DPP10: variants seen among roughly 807,000 people sequenced by gnomAD.
DPP10 encodes dipeptidyl peptidase like 10.
A neutral mutation model predicts 120.9 loss-of-function variants in DPP10; 33 were observed. The observed-to-expected ratio is 0.27, with a 90% CI of 0.21 to 0.37. The LOEUF (loss-of-function observed/expected upper bound fraction) is 0.37. Among genes scored for constraint, DPP10 ranks in the 10% least tolerant of loss-of-function variants. The pLI is 1.00. For synonymous variants in DPP10, 337 were observed against 326.1 expected (o/e 1.03, Z -0.36); for missense variants, 816 against 942.8 (o/e 0.87, Z 1.76).
At chr2:115,726,186 T>C (rs1384904013) in intron 7 of DPP10, among the ~76,000 whole-genome samples, 1 of 152,174 alleles carries the variant, frequency 6.6e-6, no homozygotes, top group Admixed American at 6.6e-5. Context: ...ACTGTTCTGC[T>C]CCTACTCCTA....
intron 19 of DPP10, among the ~76,000 whole-genome samples, chr2:115,812,460 GAAAC>G (rs748768597): frequency 4.1e-4 from 62 of 152,122 alleles, no homozygotes; most frequent in Middle Eastern, 3.4e-3. Context: ...CTGGGCAACT[GAAAC>G]AAACAAACAA....
At chr2:115,391,013 A>G (rs2067282043) in intron 3 of DPP10, among the ~76,000 whole-genome samples, 1 of 152,152 alleles carries the variant, frequency 6.6e-6, no homozygotes, top group Non-Finnish European at 1.5e-5. Flanking sequence ...GGAGACTATT[A>G]GATAAAAATC....
intron 1 of DPP10, chr2:115,233,922 C>T (rs372380508): frequency 1.2e-5 from 6 of 517,834 alleles, no homozygotes; most frequent in Non-Finnish European, 2.3e-5. Context: ...CCAGTAGTAT[C>T]AGGTGGATTT....
chr2:115,134,829 A>G (rs111994463), intron 1 of DPP10, among the ~76,000 whole-genome samples: 2 of 152,162 alleles, frequency 1.3e-5, no homozygotes, highest in African/African-American at 4.8e-5. Context: ...GAAAATTTTA[A>G]GCTCATGAAA....
At position 115,736,965 on chromosome 2, in the gene DPP10, A is replaced by G. The variant is rs1175450769; in HGVS notation, c.698-2774A>G. Among the ~76,000 whole-genome samples the G allele has an allele frequency of 3.9e-5, 6 of 152,124 alleles. No individual in the cohort carries two copies. In the South Asian group the frequency reaches 6.2e-4, roughly 16 times the overall value. ...ACTGCACTTGAGTCAGGATGTTTCC[A>G]TGCCTGAAACTAAGTCTCCTACCAC... On this transcript the variant is annotated intron_variant, in intron 8 of 25. Coordinates refer to ENST00000410059, the MANE Select transcript of DPP10 (RefSeq NM_020868.6).
At chr2:114,554,728 A>G (rs1688153401) in intron 1 of DPP10, among the ~76,000 whole-genome samples, 1 of 152,212 alleles carries the variant, frequency 6.6e-6, no homozygotes, top group Non-Finnish European at 1.5e-5. Flanking sequence ...TCCGGGCTTT[A>G]ACATCTGCCC....
intron 1 of DPP10, among the ~76,000 whole-genome samples, chr2:115,060,439 G>A (rs56668819): frequency 0.15 from 22,079 of 151,834 alleles, 1,709 homozygotes; most frequent in African/African-American, 0.21. Context: ...TAAAATATAC[G>A]AAAATTAGCT....
At chr2:115,788,848 G>A (rs1480973743) in intron 17 of DPP10, among the ~76,000 whole-genome samples, 1 of 152,180 alleles carries the variant, frequency 6.6e-6, no homozygotes, top group Non-Finnish European at 1.5e-5. Flanking sequence ...CAGGCGCGGT[G>A]GCTCACGCCT....
At chr2:115,708,191 A>G (rs951526113) in intron 7 of DPP10, among the ~76,000 whole-genome samples, 11 of 151,952 alleles carry the variant, frequency 7.2e-5, no homozygotes, top group African/African-American at 2.2e-4. Context: ...TATGGTCTTT[A>G]ACGTTTATGT....
chr2:115,082,768 A>C (rs778804269), intron 1 of DPP10, among the ~76,000 whole-genome samples: 104 of 152,194 alleles, frequency 6.8e-4, no homozygotes, highest in Non-Finnish European at 1.3e-3. Context: ...AGATCAACTG[A>C]GAGGAACCAG....
chr2:114,850,052 CTT>C (rs35017569), intron 1 of DPP10, among the ~76,000 whole-genome samples: 1 of 128,224 alleles, frequency 7.8e-6, no homozygotes, highest in African/African-American at 3.1e-5. Flanking sequence ...CCTTCTCTTT[CTT>C]TTTTTTTTTC....
At chr2:114,977,693 T>A (rs1699838927) in intron 1 of DPP10, among the ~76,000 whole-genome samples, 1 of 152,120 alleles carries the variant, frequency 6.6e-6, no homozygotes, top group Non-Finnish European at 1.5e-5. Flanking sequence ...AATCCTCCAA[T>A]CTCAAGAGCT....
intron 5 of DPP10, among the ~76,000 whole-genome samples, chr2:115,586,305 C>T (rs1428680666): frequency 3.9e-5 from 6 of 152,060 alleles, no homozygotes; most frequent in African/African-American, 1.4e-4. Flanking sequence ...CCAGCCTGGG[C>T]AACAGAGCGA....
intron 3 of DPP10, among the ~76,000 whole-genome samples, chr2:115,379,586 T>G (rs1389632304): frequency 1.3e-5 from 2 of 152,124 alleles, no homozygotes; most frequent in African/African-American, 4.8e-5. Context: ...ATTTCTTGCC[T>G]TCTGCTAGCT....
chr2:114,759,064 A>G (rs1458934762), intron 1 of DPP10, among the ~76,000 whole-genome samples: 2 of 152,194 alleles, frequency 1.3e-5, no homozygotes, highest in East Asian at 3.9e-4. Context: ...TATTGAGACA[A>G]ATTAGGTTAA....
At chr2:114,515,278 G>A (rs1194345382) in intron 1 of DPP10, among the ~76,000 whole-genome samples, 2 of 152,104 alleles carry the variant, frequency 1.3e-5, no homozygotes, top group Non-Finnish European at 2.9e-5. Flanking sequence ...GAATTTTAAT[G>A]TTGGAAACAA....
intron 1 of DPP10, among the ~76,000 whole-genome samples, chr2:114,553,670 C>A (rs1688062584): frequency 6.6e-6 from 1 of 151,462 alleles, no homozygotes. Flanking sequence ...TCAGCTATCT[C>A]AAATAGAGGC....
intron 1 of DPP10, among the ~76,000 whole-genome samples, chr2:114,956,061 C>T (rs1468805548): frequency 1.3e-5 from 2 of 152,054 alleles, no homozygotes; most frequent in Non-Finnish European, 2.9e-5. Context: ...ACTCTCACCA[C>T]TTTTATTCAA....
intron 1 of DPP10, among the ~76,000 whole-genome samples, chr2:115,014,391 G>A (rs1011047151): frequency 7.9e-5 from 12 of 152,072 alleles, no homozygotes; most frequent in East Asian, 3.9e-4. Flanking sequence ...AGGAGAAAGC[G>A]GGAAAGATCT....
Sources: allele counts gnomAD v4.1 joint callset (sites outside exome capture counted in the v4.1 genomes callset), GRCh38; gene constraint gnomAD v4.1.1; transcripts MANE v1.5; gene names NCBI Gene and HGNC (gene_info 2026-07-23, HGNC 2026-07-21).